Variants in EPHA6 observed in about 807,000 individuals in gnomAD.
The protein encoded by EPHA6 is EPH receptor A6, also known as ephrin type-A receptor 6.
EPHA6 carries 50 observed loss-of-function variants against 112.0 expected under a neutral mutation model. The observed-to-expected ratio is 0.45, with a 90% CI of 0.36 to 0.56. The LOEUF (loss-of-function observed/expected upper bound fraction) is 0.56. Ranked by LOEUF, EPHA6 falls within the 20% of genes least tolerant of loss-of-function variation. EPHA6 has a pLI of 0.00. For missense variants in EPHA6, 1,280 were observed against 1,417.4 expected (o/e 0.90, Z 1.56); for synonymous variants, 529 against 490.7 (o/e 1.08, Z -1.03).
chr3:97,168,879 G>A (rs775959589), intron 3 of EPHA6, among the ~76,000 whole-genome samples: 28 of 152,110 alleles, frequency 1.8e-4, no homozygotes, highest in African/African-American at 5.1e-4. Flanking sequence ...AAGCAACTTC[G>A]GAAGTAAGTA....
At chr3:97,569,053 G>C (rs1410366328) in intron 11 of EPHA6, among the ~76,000 whole-genome samples, 3 of 152,164 alleles carry the variant, frequency 2.0e-5, no homozygotes, top group African/African-American at 7.2e-5. Context: ...TAGGATTTTT[G>C]CTCAGACTGC....
chr3:97,071,621 T>C (rs2108161079), intron 3 of EPHA6, among the ~76,000 whole-genome samples: 1 of 152,154 alleles, frequency 6.6e-6, no homozygotes, highest in South Asian at 2.1e-4. Context: ...CTGGCCCCCA[T>C]GATTCAATTA....
chr3:97,038,427 G>T (rs563483853), intron 3 of EPHA6, among the ~76,000 whole-genome samples: 7 of 151,996 alleles, frequency 4.6e-5, no homozygotes, highest in African/African-American at 1.4e-4. Flanking sequence ...TCTGTGCTTG[G>T]CTTATTTCAC....
chr3:96,954,109 A>G (rs9809392), intron 2 of EPHA6, among the ~76,000 whole-genome samples: 2,745 of 152,126 alleles, frequency 0.018, 69 homozygotes, highest in African/African-American at 0.05. Flanking sequence ...CCTGGGCTCA[A>G]GTAATCCACC....
At chr3:97,181,946 G>A (rs2076999399) in intron 3 of EPHA6, among the ~76,000 whole-genome samples, 1 of 151,914 alleles carries the variant, frequency 6.6e-6, no homozygotes, top group African/African-American at 2.4e-5. Flanking sequence ...GATTCATCTG[G>A]GAGCCGACAC....
At chr3:97,078,472 G>T (rs940417045) in intron 3 of EPHA6, among the ~76,000 whole-genome samples, 3 of 152,106 alleles carry the variant, frequency 2.0e-5, no homozygotes, top group South Asian at 4.1e-4. Flanking sequence ...CCTTGCCCAT[G>T]CCTATGTCCT....
At chr3:97,363,401 A>G (rs1286709751) in intron 5 of EPHA6, among the ~76,000 whole-genome samples, 1 of 150,992 alleles carries the variant, frequency 6.6e-6, no homozygotes, top group Non-Finnish European at 1.5e-5. Context: ...AGGGTTAGAC[A>G]TCTCACAAAT....
In EPHA6 at chr3:97,212,403, G is replaced by A. The variant is rs376502677; in HGVS notation, c.1115-13861G>A. On this transcript the variant is annotated intron_variant, in intron 3 of 17. Transcript: ENST00000389672. ...CAATATTTATAGAAACAACATAGTA[G>A]CTTCTATGTTGTATGAGTATTATTA... is the stretch of plus-strand genomic sequence containing the variant. Among the ~76,000 whole-genome samples the A allele has an allele frequency of 4.4e-4, 67 of 152,230 alleles. No individual in the cohort carries two copies. In the East Asian group the frequency reaches 5.6e-3, roughly 13 times the overall value.
chr3:97,364,741 G>A (rs1307719581), intron 5 of EPHA6, among the ~76,000 whole-genome samples: 4 of 152,036 alleles, frequency 2.6e-5, no homozygotes, highest in African/African-American at 7.2e-5. Context: ...ATTTATTTTA[G>A]AATATGTTTG....
chr3:97,035,983 A>C (rs1051829387), intron 3 of EPHA6, among the ~76,000 whole-genome samples: 1 of 151,988 alleles, frequency 6.6e-6, no homozygotes, highest in African/African-American at 2.4e-5. Flanking sequence ...TAGTGCCCTC[A>C]TAAAAGAGGC....
intron 5 of EPHA6, among the ~76,000 whole-genome samples, chr3:97,328,078 T>TATATATATATATATATATATAA (rs1309698190): frequency 1.4e-5 from 2 of 138,418 alleles, no homozygotes; most frequent in African/African-American, 6.1e-5. Flanking sequence ...TATATATATA[T>TATATATATATATATATATATAA]AACCTGTTTT....
intron 12 of EPHA6, among the ~76,000 whole-genome samples, chr3:97,595,670 A>G (rs1266062169): frequency 3.6e-5 from 5 of 137,598 alleles, no homozygotes; most frequent in Non-Finnish European, 6.0e-5. Context: ...AGGAAATCAC[A>G]GGAGAGAAGA....
At chr3:97,255,454 G>C (rs1008573311) in intron 5 of EPHA6, among the ~76,000 whole-genome samples, 8 of 152,166 alleles carry the variant, frequency 5.3e-5, no homozygotes, top group Non-Finnish European at 8.8e-5. Flanking sequence ...TTCTCTTATC[G>C]TTCAAACCCT....
chr3:97,547,539 C>T (rs2092970838), intron 11 of EPHA6, among the ~76,000 whole-genome samples: 1 of 152,204 alleles, frequency 6.6e-6, no homozygotes, highest in Non-Finnish European at 1.5e-5. Flanking sequence ...GGCAGTCTGC[C>T]TGTTCTCAGA....
intron 3 of EPHA6, among the ~76,000 whole-genome samples, chr3:97,085,442 G>A (rs1479115065): frequency 1.3e-5 from 2 of 152,082 alleles, no homozygotes; most frequent in African/African-American, 4.8e-5. Flanking sequence ...ACATGCCCTT[G>A]CACAATGAAG....
rs570679167 is a variant in EPHA6, at chr3:97,134,480, G to C, written c.1115-91784G>C. Among the ~76,000 whole-genome samples the C allele has an allele frequency of 5.9e-5, 9 of 152,166 alleles. No individual in the cohort carries two copies. The South Asian group carries it at 1.9e-3, about 32-fold the overall frequency. On this transcript the variant is annotated intron_variant, in intron 3 of 17. Transcript: ENST00000389672. ...GATCCTTGAGTGCAATCAGGGTTGA[G>C]AACAATTGAGAGAAATCAAGAGTCA...
At chr3:97,268,546 C>T (rs1311741805) in intron 5 of EPHA6, among the ~76,000 whole-genome samples, 4 of 151,986 alleles carry the variant, frequency 2.6e-5, no homozygotes, top group Non-Finnish European at 5.9e-5. Context: ...AGCCTAAATA[C>T]CAAAAGTTTA....
At chr3:97,433,623 G>A (rs2089647409) in intron 6 of EPHA6, among the ~76,000 whole-genome samples, 2 of 152,140 alleles carry the variant, frequency 1.3e-5, no homozygotes, top group Admixed American at 1.3e-4. Flanking sequence ...TACCTTGCAG[G>A]GAAAGAAGGA....
At chr3:97,502,420 C>T (rs1177299074) in intron 10 of EPHA6, among the ~76,000 whole-genome samples, 12 of 151,770 alleles carry the variant, frequency 7.9e-5, no homozygotes, top group East Asian at 2.0e-4. Context: ...CCACCCACCT[C>T]GGCCTCCTAA....
Sources: gnomAD v4.1 joint callset for allele counts (sites outside exome capture counted in the v4.1 genomes callset) on GRCh38, gnomAD v4.1.1 for gene constraint, MANE v1.5 for transcripts, NCBI Gene and HGNC (gene_info 2026-07-23, HGNC 2026-07-21) for gene names.